The following RFX7 variants were observed in gnomAD, a reference collection of about 807,000 sequenced individuals.
RFX7 encodes regulatory factor X7.
Under a neutral mutation model 111.8 loss-of-function variants are expected in RFX7, and 26 were observed. The observed-to-expected ratio is 0.23, with a 90% CI of 0.17 to 0.32. The LOEUF is 0.32. Ranked by LOEUF, RFX7 falls within the 10% of genes least tolerant of loss-of-function variation. The pLI is 1.00. For missense variants in RFX7, 1,573 were observed against 1,772.9 expected, an observed-to-expected ratio of 0.89 and a Z score of 2.02; for synonymous variants, 624 against 624.4, an observed-to-expected ratio of 1.00 and a Z score of 0.01.
intron 3 of RFX7, among the ~76,000 whole-genome samples, chr15:56,157,276 T>C (rs2042664530): frequency 1.3e-5 from 2 of 152,206 alleles, no homozygotes; most frequent in Non-Finnish European, 2.9e-5. Context: ...GTTTTTGAAA[T>C]TTTCCCCTAT....
intron 7 of RFX7, among the ~76,000 whole-genome samples, 198 bp downstream of exon 7, chr15:56,101,971 T>G (rs16976760): frequency 0.2 from 29,775 of 152,166 alleles, 3,373 homozygotes; most frequent in East Asian, 0.45. Context: ...CAGTAACTTC[T>G]AAACTTTTGT....
intron 5 of RFX7, among the ~76,000 whole-genome samples, chr15:56,114,179 C>T (rs982313146): frequency 9.9e-5 from 15 of 151,750 alleles, no homozygotes; most frequent in African/African-American, 2.9e-4. Flanking sequence ...CCGAGGTGGG[C>T]GACTGCCTGA....
intron 3 of RFX7, among the ~76,000 whole-genome samples, chr15:56,164,562 C>T (rs2042761803): frequency 6.6e-6 from 1 of 152,170 alleles, no homozygotes; most frequent in Non-Finnish European, 1.5e-5. Context: ...CTGGTGAGAA[C>T]TCAGGTACTA....
At chr15:56,112,824 A>G (rs2041957937) in intron 5 of RFX7, among the ~76,000 whole-genome samples, 1 of 152,220 alleles carries the variant, frequency 6.6e-6, no homozygotes, top group South Asian at 2.1e-4. Context: ...AAACAACCCC[A>G]TCAAAAAGTG....
intron 5 of RFX7, among the ~76,000 whole-genome samples, chr15:56,132,192 G>A (rs544074558): frequency 2.8e-4 from 42 of 152,098 alleles, no homozygotes; most frequent in African/African-American, 9.4e-4. Flanking sequence ...AATCCCCTTA[G>A]AGTTTCCTTT....
chr15:56,155,389 A>G (rs1274558162), intron 3 of RFX7, among the ~76,000 whole-genome samples: 1 of 152,336 alleles, frequency 6.6e-6, no homozygotes, highest in Non-Finnish European at 1.5e-5. Context: ...GATAGACTGG[A>G]TTAAGAAAAT....
rs1325873270 is a variant in RFX7, at chr15:56,098,178, G to A, written c.1010C>T (p.Thr337Ile). Residue 337 changes from threonine to isoleucine, a missense_variant, in exon 9 of 10, where the codon ACA (threonine) becomes ATA (isoleucine). Physicochemically the swap from Thr to Ile is moderately conservative, Grantham distance 89. This residue lies in a region of RFX7 where 288 missense variants were observed against 337.9 expected (regional missense o/e 0.85). Transcript: ENST00000559447. ...ESAAKKSESA[T>I]SNGVTNLPNG... is the part of the protein sequence containing the mutation. The stretch of plus-strand genomic sequence containing the variant: ...AGGAAGATTAGTCACTCCATTGCTT[G>A]TAGCACTTTCTGACTTTTTTGCTGC... The A allele has an allele frequency of 4.3e-6, 7 of 1,613,904 alleles. No homozygotes were observed. Among genetic ancestry groups the A allele is most frequent in the Non-Finnish European group, 5.9e-6 (7 of 1,179,800 alleles).
intron 5 of RFX7, among the ~76,000 whole-genome samples, chr15:56,127,438 T>A (rs1191633855): frequency 6.7e-6 from 1 of 148,984 alleles, no homozygotes; most frequent in African/African-American, 2.5e-5. Context: ...GAAAACTCAC[T>A]CCTAAACAAG....
chr15:56,175,046 A>G (rs1483179362), intron 3 of RFX7, among the ~76,000 whole-genome samples: 2 of 152,198 alleles, frequency 1.3e-5, no homozygotes, highest in Non-Finnish European at 2.9e-5. Flanking sequence ...TTCGTAGATA[A>G]TATGATTGAG....
intron 2 of RFX7, among the ~76,000 whole-genome samples, chr15:56,236,701 T>C (rs2043627209): frequency 6.6e-6 from 1 of 152,184 alleles, no homozygotes. Context: ...TATAATTGAA[T>C]CTACAATATG....
chr15:56,204,381 T>C (rs1193106024), intron 2 of RFX7, among the ~76,000 whole-genome samples: 1 of 152,110 alleles, frequency 6.6e-6, no homozygotes, highest in Admixed American at 6.5e-5. Context: ...TGAAGAGCTA[T>C]CCCATACATC....
intron 2 of RFX7, among the ~76,000 whole-genome samples, chr15:56,203,505 G>C (rs1358112673): frequency 1.2e-4 from 18 of 152,104 alleles, no homozygotes; most frequent in Non-Finnish European, 1.3e-4. Flanking sequence ...TCTTAAATAG[G>C]AGCTGGGTAA....
intron 5 of RFX7, among the ~76,000 whole-genome samples, chr15:56,141,211 G>A (rs2042387684): frequency 6.6e-6 from 1 of 151,866 alleles, no homozygotes; most frequent in African/African-American, 2.4e-5. Context: ...AGCCAGGCAT[G>A]GTGATGCATG....
At chr15:56,109,804 G>A (rs1157147789) in intron 5 of RFX7, among the ~76,000 whole-genome samples, 1 of 151,218 alleles carries the variant, frequency 6.6e-6, no homozygotes, top group Non-Finnish European at 1.5e-5. Flanking sequence ...GAGCCCCTCC[G>A]CCCAGCAGCC....
chr15:56,095,667 C>G lies in RFX7; in HGVS notation c.2061G>C (p.Gly687=). ...VEQLSAATIE[G]QKQGSVKKDQ... ...CCTTCTTAACACTGCCTTGTTTCTG[C>G]CCTTCTATGGTAGCTGCTGAAAGCT... The change falls in exon 10 of 10, where the codon GGG becomes GGC. Residue 687 remains glycine, a synonymous_variant. Transcript: ENST00000559447. 2.5e-6 allele frequency: 4 copies of G among 1,613,934 alleles called. No homozygotes were observed. The highest frequency in any genetic ancestry group is 3.4e-6 in the Non-Finnish European group (4 of 1,179,868).
chr15:56,242,661 GGAA>G (rs2043712452), intron 2 of RFX7, among the ~76,000 whole-genome samples: 1 of 152,194 alleles, frequency 6.6e-6, no homozygotes, highest in African/African-American at 2.4e-5. Context: ...CCAACTGAAA[GGAA>G]GAGACACATT....
intron 5 of RFX7, among the ~76,000 whole-genome samples, chr15:56,109,007 G>T (rs1388845997): frequency 6.6e-6 from 1 of 150,788 alleles, no homozygotes; most frequent in Non-Finnish European, 1.5e-5. Flanking sequence ...ACCTCTTCAA[G>T]AACTACAAAC....
intron 2 of RFX7, among the ~76,000 whole-genome samples, chr15:56,225,413 GT>G (rs1436828363): frequency 6.6e-6 from 1 of 152,174 alleles, no homozygotes; most frequent in African/African-American, 2.4e-5. Flanking sequence ...CCTCTCCATT[GT>G]TTATACTGCA....
At chr15:56,133,894 T>G (rs1383671956) in intron 5 of RFX7, among the ~76,000 whole-genome samples, 1 of 152,174 alleles carries the variant, frequency 6.6e-6, no homozygotes, top group Non-Finnish European at 1.5e-5. Flanking sequence ...CAACATTCTT[T>G]CTTCCTAGCA....
Sources: gnomAD v4.1 joint callset for allele counts (sites outside exome capture counted in the v4.1 genomes callset) on GRCh38, gnomAD v4.1.1 for gene constraint, gnomAD v4.1.1 regional missense constraint, MANE v1.5 for transcripts, NCBI Gene and HGNC (gene_info 2026-07-23, HGNC 2026-07-21) for gene names.